LRP1B: variants seen among roughly 807,000 people sequenced by gnomAD.
LRP1B encodes the protein low-density lipoprotein receptor-related protein 1B.
Under a neutral mutation model 556.6 loss-of-function variants are expected in LRP1B, and 217 were observed. That is an observed-to-expected ratio of 0.39 (90% CI 0.35 to 0.44). The LOEUF (loss-of-function observed/expected upper bound fraction) is 0.44, where lower values mean the gene tolerates loss of function less well. LRP1B is among the 20% of genes least tolerant of loss of function. LRP1B has a pLI of 1.00. For synonymous variants in LRP1B, 2,047 were observed against 1,865.8 expected, an observed-to-expected ratio of 1.10 and a Z score of -2.50; for missense variants, 5,053 against 5,620.8, an observed-to-expected ratio of 0.90 and a Z score of 3.23.
intron 1 of LRP1B, among the ~76,000 whole-genome samples, chr2:142,075,699 ATC>A (rs915640473): frequency 2.0e-5 from 3 of 151,910 alleles, no homozygotes; most frequent in South Asian, 2.1e-4. Context: ...TGTGCTCTCA[ATC>A]TCTCTCTCTT....
chr2:140,712,731 T>C (rs1032531451), intron 37 of LRP1B, among the ~76,000 whole-genome samples: 1 of 152,120 alleles, frequency 6.6e-6, no homozygotes, highest in East Asian at 1.9e-4. Context: ...CTACTCTTTA[T>C]ATTTGGCTTC....
At chr2:140,951,357 T>C (rs1695709669) in intron 19 of LRP1B, among the ~76,000 whole-genome samples, 1 of 152,142 alleles carries the variant, frequency 6.6e-6, no homozygotes, top group Non-Finnish European at 1.5e-5. Context: ...CAAATTAAAA[T>C]AAATGGCTGG....
chr2:140,852,595 T>A (rs1692493147), intron 27 of LRP1B, among the ~76,000 whole-genome samples: 1 of 152,162 alleles, frequency 6.6e-6, no homozygotes, highest in Non-Finnish European at 1.5e-5. Flanking sequence ...ATGAGGCCTA[T>A]GTGAAGAAAT....
rs201764879 is a variant in LRP1B, at chr2:141,406,452, AT to A, written c.343+73943del. On this transcript the variant is annotated intron_variant, in intron 3 of 90. Coordinates refer to ENST00000389484, the MANE Select transcript of LRP1B (RefSeq NM_018557.3). ...GCATAATAAAGGCAAAATATGAAGAATTTTTTAATACTTCCATGTAAGAAAT... is the reference window on the plus strand; with the variant it reads ...GCATAATAAAGGCAAAATATGAAGAATTTTTAATACTTCCATGTAAGAAAT... 7.0e-3 allele frequency among the ~76,000 whole-genome samples: 1,067 copies of A among 152,132 alleles called. 27 individuals carry two copies. Among genetic ancestry groups the A allele is most frequent in the Admixed American group, 0.046 (704 of 15,282 alleles).
At chr2:141,293,136 C>G (rs549569160) in intron 3 of LRP1B, among the ~76,000 whole-genome samples, 1 of 152,002 alleles carries the variant, frequency 6.6e-6, no homozygotes, top group Non-Finnish European at 1.5e-5. Context: ...GGTGAGATGT[C>G]AAATGAAGGA....
chr2:140,305,864 G>T (rs1018598607), intron 83 of LRP1B, among the ~76,000 whole-genome samples: 1 of 151,766 alleles, frequency 6.6e-6, no homozygotes, highest in East Asian at 1.9e-4. Flanking sequence ...TAGCATGAAG[G>T]GCTGTTGAAT....
At chr2:141,017,639 G>C (rs1226181201) in intron 12 of LRP1B, among the ~76,000 whole-genome samples, 2 of 140,840 alleles carry the variant, frequency 1.4e-5, no homozygotes, top group Admixed American at 7.2e-5. Flanking sequence ...ATCTGAGAGA[G>C]GTTACATATA....
rs751417550 is a variant in LRP1B, at chr2:141,062,097, A to G, written c.1190T>C (p.Val397Ala). Reference sequence around the variant, plus strand: ...GTGTCTATTTTTTCCTTGATAGTCCACTACTCCCACATAGTCCAAGTAAAG... The same window carrying G: ...GTGTCTATTTTTTCCTTGATAGTCCGCTACTCCCACATAGTCCAAGTAAAG... ...VDLYLDYVGVVDYQGKNRHTV... is the reference protein window; with the variant it reads ...VDLYLDYVGVADYQGKNRHTV... The change falls in exon 8 of 91, where the codon GTG becomes GCG. Residue 397 changes from valine (V) to alanine (A), a missense_variant. Around this residue, in one of 5 missense-constraint regions of LRP1B, gnomAD observed 3,619 missense variants for 3,931.9 expected, o/e 0.92. Transcript: ENST00000389484. The G allele has an allele frequency of 8.1e-6, 13 of 1,611,880 alleles. No individual in the cohort carries two copies. The highest frequency in any genetic ancestry group is 1.1e-5 in the Non-Finnish European group (13 of 1,178,628).
intron 31 of LRP1B, among the ~76,000 whole-genome samples, chr2:140,825,695 A>G (rs537666502): frequency 6.6e-6 from 1 of 152,090 alleles, no homozygotes; most frequent in African/African-American, 2.4e-5. Flanking sequence ...AGAAGGATCA[A>G]TTGTGGAATT....
chr2:140,528,551 G>T (rs1254490776), intron 47 of LRP1B, among the ~76,000 whole-genome samples: 1 of 151,754 alleles, frequency 6.6e-6, no homozygotes, highest in Non-Finnish European at 1.5e-5. Context: ...AGGGGGACAA[G>T]GATGGGCTAT....
chr2:142,058,125 A>G (rs1357116551), intron 1 of LRP1B, among the ~76,000 whole-genome samples: 1 of 152,204 alleles, frequency 6.6e-6, no homozygotes, highest in Non-Finnish European at 1.5e-5. Flanking sequence ...AACGTATAGA[A>G]ATAATACCTC....
chr2:141,609,868 A>T (rs6711361), intron 2 of LRP1B, among the ~76,000 whole-genome samples: 7,991 of 152,272 alleles, frequency 0.052, 304 homozygotes, highest in African/African-American at 0.1. Flanking sequence ...TAGAAAGAGT[A>T]TATGTTAAAA....
chr2:140,393,899 A>T (rs1241003192), intron 66 of LRP1B, among the ~76,000 whole-genome samples: 1 of 152,128 alleles, frequency 6.6e-6, no homozygotes, highest in African/African-American at 2.4e-5. Flanking sequence ...TAGAGAAGTC[A>T]TTATTTTCTC....
At chr2:140,960,508 A>G (rs1696003168) in intron 18 of LRP1B, among the ~76,000 whole-genome samples, 2 of 151,778 alleles carry the variant, frequency 1.3e-5, no homozygotes, top group South Asian at 4.1e-4. Flanking sequence ...AGCACATTTT[A>G]AAAACGTTTC....
At chr2:140,964,731 C>G (rs1003916460) in intron 18 of LRP1B, among the ~76,000 whole-genome samples, 37 of 151,994 alleles carry the variant, frequency 2.4e-4, no homozygotes, top group African/African-American at 8.9e-4. Flanking sequence ...CATATATAAT[C>G]ATATCTAAGA....
At chr2:141,269,175 C>T (rs1481056055) in intron 3 of LRP1B, among the ~76,000 whole-genome samples, 1 of 152,116 alleles carries the variant, frequency 6.6e-6, no homozygotes, top group Non-Finnish European at 1.5e-5. Flanking sequence ...CCTAAAGGAA[C>T]TGTCAAAAAC....
At chr2:141,978,202 A>T (rs929720483) in intron 1 of LRP1B, among the ~76,000 whole-genome samples, 1 of 152,060 alleles carries the variant, frequency 6.6e-6, no homozygotes, top group Non-Finnish European at 1.5e-5. Flanking sequence ...CTAAAATTAC[A>T]TTTCTGAAAA....
chr2:141,036,859 A>T (rs546522156), intron 11 of LRP1B, among the ~76,000 whole-genome samples: 2 of 146,634 alleles, frequency 1.4e-5, no homozygotes, highest in East Asian at 2.0e-4. Context: ...TATTGATATT[A>T]AAAAAAAAGA....
intron 1 of LRP1B, among the ~76,000 whole-genome samples, chr2:142,027,848 A>T (rs1006759892): frequency 6.6e-6 from 1 of 151,970 alleles, no homozygotes; most frequent in African/African-American, 2.4e-5. Context: ...CAAAATCTGT[A>T]GCATTGCCCA....
Sources: allele counts gnomAD v4.1 joint callset (sites outside exome capture counted in the v4.1 genomes callset), GRCh38; gene constraint gnomAD v4.1.1; regional missense constraint gnomAD v4.1.1; transcripts MANE v1.5; gene names NCBI Gene and HGNC (gene_info 2026-07-23, HGNC 2026-07-21).